Variants in CSMD3 observed in about 807,000 individuals in gnomAD.
CSMD3 encodes the protein CUB and Sushi multiple domains 3.
A neutral mutation model predicts 435.2 loss-of-function variants in CSMD3; 177 were observed. That is an observed-to-expected ratio of 0.41 (90% CI 0.36 to 0.46). The LOEUF (loss-of-function observed/expected upper bound fraction) is 0.46, where lower values mean the gene tolerates loss of function less well. Among genes scored for constraint, CSMD3 ranks in the 20% least tolerant of loss-of-function variants. CSMD3 has a pLI of 0.34. For synonymous variants in CSMD3, 1,656 were observed against 1,520.5 expected (o/e 1.09, Z -2.07); for missense variants, 4,265 against 4,504.6 (o/e 0.95, Z 1.52).
intron 13 of CSMD3, among the ~76,000 whole-genome samples, chr8:112,694,505 ACT>A (rs930790044): frequency 4.6e-5 from 7 of 151,854 alleles, no homozygotes; most frequent in African/African-American, 1.5e-4. Context: ...TCTATTTGAA[ACT>A]CTATTTTTTT....
At chr8:112,597,342 C>T (rs1351082353) in intron 22 of CSMD3, among the ~76,000 whole-genome samples, 1 of 151,454 alleles carries the variant, frequency 6.6e-6, no homozygotes, top group African/African-American at 2.4e-5. Context: ...CTGAATAGAC[C>T]AATAACAGGA....
chr8:113,381,632 C>T (rs1054148003), intron 1 of CSMD3, among the ~76,000 whole-genome samples: 13 of 152,090 alleles, frequency 8.5e-5, no homozygotes, highest in Admixed American at 2.0e-4. Flanking sequence ...TCTAGGGATA[C>T]GGTGATGAAG....
At chr8:112,902,949 T>C (rs1015120909) in intron 10 of CSMD3, among the ~76,000 whole-genome samples, 1 of 150,978 alleles carries the variant, frequency 6.6e-6, no homozygotes, top group Non-Finnish European at 1.5e-5. Context: ...TGTAAGGTAG[T>C]TTGGTCATTG....
intron 4 of CSMD3, among the ~76,000 whole-genome samples, chr8:113,117,880 A>G (rs981300326): frequency 6.6e-5 from 10 of 152,198 alleles, no homozygotes; most frequent in African/African-American, 2.4e-4. Context: ...TCCCACTTGG[A>G]GCAGGCGTAT....
Position 112,773,071 on chromosome 8 carries a change from G to T in CSMD3, c.1972+27091C>A, listed in dbSNP as rs984718983. ...TTCTATCTCTATACTTTGTCTCTGT[G>T]TCTCTTTCTTTTCCAAGTCTCTCAT... On this transcript the variant is annotated intron_variant, in intron 13 of 70. Transcript: ENST00000297405. 3.6e-4 allele frequency among the ~76,000 whole-genome samples: 55 copies of T among 152,062 alleles called. 1 individual carries two copies. Among genetic ancestry groups the T allele is most frequent in the Middle Eastern group, 3.4e-3 (1 of 294 alleles).
intron 3 of CSMD3, among the ~76,000 whole-genome samples, chr8:113,193,464 C>T (rs72687622): frequency 0.066 from 10,003 of 150,642 alleles, 443 homozygotes; most frequent in Non-Finnish European, 0.095. Context: ...CTTAGCTTTT[C>T]CTACTAGTGA....
At chr8:112,643,119 G>A (rs776748251) in intron 20 of CSMD3, among the ~76,000 whole-genome samples, 6 of 152,134 alleles carry the variant, frequency 3.9e-5, no homozygotes, top group South Asian at 2.1e-4. Context: ...TCTCAGAATG[G>A]TGAGTTGATG....
At chr8:112,510,487 C>T (rs1238679364) in intron 28 of CSMD3, among the ~76,000 whole-genome samples, 1 of 152,128 alleles carries the variant, frequency 6.6e-6, no homozygotes, top group Non-Finnish European at 1.5e-5. Context: ...ATTTATATAA[C>T]TCTAACTTAT....
chr8:112,930,566 A>G (rs2083073131), intron 9 of CSMD3, among the ~76,000 whole-genome samples: 1 of 152,066 alleles, frequency 6.6e-6, no homozygotes, highest in African/African-American at 2.4e-5. Context: ...ATTATCCAAA[A>G]TGATCAAGTT....
intron 32 of CSMD3, among the ~76,000 whole-genome samples, chr8:112,455,958 C>G (rs1454088733): frequency 1.3e-5 from 2 of 151,862 alleles, no homozygotes; most frequent in African/African-American, 4.8e-5. Flanking sequence ...AAAATTAACA[C>G]AGCAAAATTT....
At chr8:112,363,725 AAT>A (rs1348076604) in intron 38 of CSMD3, among the ~76,000 whole-genome samples, 1 of 152,042 alleles carries the variant, frequency 6.6e-6, no homozygotes, top group African/African-American at 2.4e-5. Context: ...ATATGATGGA[AAT>A]AAAAGGAAGC....
chr8:112,468,374 C>T (rs558391882), intron 32 of CSMD3, among the ~76,000 whole-genome samples: 5 of 151,390 alleles, frequency 3.3e-5, no homozygotes, highest in African/African-American at 9.7e-5. Flanking sequence ...AAAAACCAAA[C>T]ATTACCTGCT....
chr8:112,856,889 G>C (rs910274851), intron 11 of CSMD3, among the ~76,000 whole-genome samples: 1 of 151,666 alleles, frequency 6.6e-6, no homozygotes, highest in African/African-American at 2.4e-5. Context: ...TTCTGAAAAG[G>C]GTTCCAAGGA....
Position 112,921,616 on chromosome 8 carries a change from T to C in CSMD3, c.1633+11A>G, listed in dbSNP as rs2082746449. The C allele has an allele frequency of 3.1e-6, 5 of 1,610,056 alleles. No homozygotes were observed. The highest frequency in any genetic ancestry group is 1.7e-4 in the Middle Eastern group (1 of 6,048). On this transcript the variant is annotated intron_variant, in intron 10 of 70. Coordinates refer to ENST00000297405, the MANE Select transcript of CSMD3 (RefSeq NM_198123.2). ...AAAATGTGTTCAGAGGGCATTATTA[T>C]AAAACATTACCTTTACACACAGGCC...
intron 59 of CSMD3, among the ~76,000 whole-genome samples, chr8:112,270,702 G>A (rs1403678318): frequency 6.6e-6 from 1 of 151,922 alleles, no homozygotes; most frequent in Non-Finnish European, 1.5e-5. Flanking sequence ...GTTTTTAAAG[G>A]TTTTTGTAAG....
intron 1 of CSMD3, among the ~76,000 whole-genome samples, chr8:113,373,864 G>A (rs1281051960): frequency 1.3e-5 from 2 of 152,062 alleles, no homozygotes; most frequent in Non-Finnish European, 1.5e-5. Context: ...CTCCTTTGGG[G>A]AGAGTTGTCC....
chr8:112,232,895 T>C (rs1813229798), intron 68 of CSMD3, among the ~76,000 whole-genome samples: 1 of 152,102 alleles, frequency 6.6e-6, no homozygotes, highest in African/African-American at 2.4e-5. Flanking sequence ...CAAAATGAGA[T>C]GATGAGACAT....
At chr8:113,090,567 T>A (rs907486007) in intron 5 of CSMD3, among the ~76,000 whole-genome samples, 9 of 152,086 alleles carry the variant, frequency 5.9e-5, no homozygotes, top group Non-Finnish European at 1.3e-4. Context: ...AATTTATGGA[T>A]AAAATTAATG....
intron 7 of CSMD3, among the ~76,000 whole-genome samples, chr8:112,970,567 A>C (rs918153646): frequency 1.3e-5 from 2 of 151,984 alleles, no homozygotes; most frequent in Admixed American, 1.3e-4. Flanking sequence ...ACTTACATTA[A>C]TGTATGTCTT....
Sources: gnomAD v4.1 joint callset for allele counts (sites outside exome capture counted in the v4.1 genomes callset) on GRCh38, gnomAD v4.1.1 for gene constraint, MANE v1.5 for transcripts, NCBI Gene and HGNC (gene_info 2026-07-23, HGNC 2026-07-21) for gene names.